The following ALG8 variants were observed in gnomAD, a reference collection of about 807,000 sequenced individuals.
The protein encoded by ALG8 is ALG8 alpha-1,3-glucosyltransferase, also known as dolichyl pyrophosphate Glc1Man9GlcNAc2 alpha-1,3-glucosyltransferase.
A neutral mutation model predicts 70.2 loss-of-function variants in ALG8; 48 were observed. That is an observed-to-expected ratio of 0.68 (90% CI 0.54 to 0.87). The LOEUF (loss-of-function observed/expected upper bound fraction) is 0.87, where lower values mean the gene tolerates loss of function less well. Ranked by LOEUF, ALG8 falls within the 40% of genes least tolerant of loss-of-function variation. The pLI is 0.00. For missense variants in ALG8, 572 were observed against 608.7 expected (o/e 0.94, Z 0.64); for synonymous variants, 234 against 229.0 (o/e 1.02, Z -0.20).
At chr11:78,107,057 A>T in intron 9 of ALG8, 111 bp from the exon 10 acceptor site, 9 of 1,300,338 alleles carry the variant, frequency 6.9e-6, no homozygotes, top group Non-Finnish European at 9.7e-6. Context: ...CCAATCTTAG[A>T]CAATTCTTCA....
chr11:78,133,712 AACAT>A, intron 1 of ALG8, among the ~76,000 whole-genome samples: 1 of 152,064 alleles, frequency 6.6e-6, no homozygotes, highest in Non-Finnish European at 1.5e-5. Flanking sequence ...CACCCTGGCT[AACAT>A]GGTGAAACCC....
chr11:78,115,539 C>G (rs956494767), intron 5 of ALG8, among the ~76,000 whole-genome samples: 1 of 151,530 alleles, frequency 6.6e-6, no homozygotes, highest in East Asian at 1.9e-4. Flanking sequence ...CCCACCACCA[C>G]GCCTGGCTAA....
chr11:78,123,315 G>GAAAAA (rs1220218900), intron 3 of ALG8, among the ~76,000 whole-genome samples: 22 of 88,546 alleles, frequency 2.5e-4, no homozygotes, highest in East Asian at 1.1e-3. Context: ...GGAAAAAAAA[G>GAAAAA]AAAAAAAAAA....
At position 78,124,310 on chromosome 11, in the gene ALG8, C is replaced by T. The variant is rs532077583; in HGVS notation, c.175-96G>A. 148 of 1,302,358 alleles carry T rather than the reference C, an allele frequency of 1.1e-4. 3 individuals are homozygous for T. In the South Asian group the frequency reaches 1.7e-3, roughly 15 times the overall value. The allele number at this position is 1,302,358 out of a possible 1,614,324, so 80.7% of individuals were successfully genotyped here. ...ATTTTTCATTCTCTGGTCTTTAAAA[C>T]AGCACAATAAGGCTGGGCGTGGTAG... On this transcript the variant is annotated intron_variant, in intron 2 of 12. Coordinates refer to ENST00000299626, the MANE Select transcript of ALG8 (RefSeq NM_024079.5).
intron 4 of ALG8, among the ~76,000 whole-genome samples, chr11:78,120,230 G>A (rs895961636): frequency 3.3e-5 from 5 of 151,956 alleles, no homozygotes; most frequent in Non-Finnish European, 7.4e-5. Context: ...ACTTTCCCAG[G>A]TTTTTCCTAC....
rs1184308624 is a variant in ALG8 at position 78,112,715 on chromosome 11, T to C, written c.833A>G (p.His278Arg). 2 of 1,613,990 alleles carry C rather than the reference T, an allele frequency of 1.2e-6. No homozygotes were observed. The highest frequency in any genetic ancestry group is 1.7e-6 in the Non-Finnish European group (2 of 1,179,990). ...CCAGAAGTTTGGAGCCCAATATGCA[T>C]GACAGAGGCCCCTCTTGAAAGGAAA... is the stretch of plus-strand genomic sequence containing the variant. Reference protein sequence around the residue: ...RLFPFKRGLCHAYWAPNFWAL... With the variant: ...RLFPFKRGLCRAYWAPNFWAL... The change falls in exon 8 of 13, where the codon CAT becomes CGT. Residue 278 changes from histidine to arginine, a missense_variant. Coordinates refer to ENST00000299626, the MANE Select transcript of ALG8 (RefSeq NM_024079.5).
chr11:78,126,532 C>CAAAA (rs61070879), intron 2 of ALG8, among the ~76,000 whole-genome samples: 5 of 126,840 alleles, frequency 3.9e-5, no homozygotes, highest in Non-Finnish European at 1.7e-5. Flanking sequence ...GACTCTGTCT[C>CAAAA]AAAAAAAAAA....
intron 1 of ALG8, among the ~76,000 whole-genome samples, chr11:78,130,311 T>G (rs906856677): frequency 8.6e-4 from 101 of 117,228 alleles, no homozygotes; most frequent in Non-Finnish European, 1.1e-3. Context: ...TTTGCACCAC[T>G]GCACTCCAGC....
intron 1 of ALG8, among the ~76,000 whole-genome samples, chr11:78,133,744 C>CA (rs1374720076): frequency 6.6e-6 from 1 of 151,450 alleles, no homozygotes; most frequent in African/African-American, 2.4e-5. Flanking sequence ...ACTAAAAATA[C>CA]AAAAAAAATT....
At chr11:78,112,488 C>T (rs1341062923) in intron 8 of ALG8, 162 bp downstream of exon 8, 3 of 978,966 alleles carry the variant, frequency 3.1e-6, no homozygotes, top group South Asian at 1.4e-5. Flanking sequence ...ACTAAAGCCT[C>T]AGTCCCAAGA....
intron 10 of ALG8, 93 bp from the exon 11 acceptor site, chr11:78,104,546 TGAG>T: frequency 8.6e-7 from 1 of 1,164,122 alleles, no homozygotes; most frequent in Non-Finnish European, 1.2e-6. Context: ...TAGAACTGGC[TGAG>T]GCATAGAAGA....
chr11:78,136,886 G>A (rs187410705), intron 1 of ALG8, among the ~76,000 whole-genome samples: 157 of 150,620 alleles, frequency 1.0e-3, no homozygotes, highest in Middle Eastern at 6.9e-3. Flanking sequence ...CTTTATTATG[G>A]AGATGGCTTC....
chr11:78,112,531 T>C (rs1860336978), intron 8 of ALG8, 119 bp downstream of exon 8: 1 of 1,477,308 alleles, frequency 6.8e-7, no homozygotes, highest in Non-Finnish European at 9.3e-7. Context: ...AAAGCTGAAA[T>C]GCAGGACTGG....
chr11:78,119,554 G>T (rs1042855432), intron 4 of ALG8, among the ~76,000 whole-genome samples: 1 of 150,720 alleles, frequency 6.6e-6, no homozygotes, highest in Non-Finnish European at 1.5e-5. Context: ...TCAGCCTCCC[G>T]AGTAGCTGGG....
At chr11:78,135,842 C>T (rs890608033) in intron 1 of ALG8, among the ~76,000 whole-genome samples, 9 of 144,684 alleles carry the variant, frequency 6.2e-5, no homozygotes, top group Admixed American at 2.8e-4. Context: ...AGTGAAACTC[C>T]GTCTCAAACA....
chr11:78,139,415 G>C (rs906238905), intron 1 of ALG8, 79 bp downstream of exon 1: 2 of 1,349,230 alleles, frequency 1.5e-6, no homozygotes, highest in Admixed American at 2.0e-5. Flanking sequence ...TCATACCCAG[G>C]GATATCCACA....
rs55640013 is a variant in ALG8 at position 78,129,419 on chromosome 11, C to CA, written c.96-1984dup. ...TGGGCGACAGAGCAAGACTCCGTCT[C>CA]AAAAAAAAAAAAAAAATGTGCAAAG... On this transcript the variant is annotated intron_variant, in intron 1 of 12. Transcript: ENST00000299626. 1.9e-3 allele frequency among the ~76,000 whole-genome samples: 267 copies of CA among 141,104 alleles called. 2 individuals carry two copies. The highest frequency in any genetic ancestry group is 6.8e-3 in the African/African-American group (257 of 37,862). 92.6% of individuals were successfully genotyped at this position (141,104 alleles called of 152,430 possible). A position where few individuals can be genotyped will look rare whatever the true frequency, so the allele number is the denominator to read the frequency against.
Position 78,114,366 on chromosome 11 carries a change from G to A in ALG8, c.573C>T (p.Leu191=). ...GCTTGAAATGTAGGAGAACAGCAAA[G>A]AGAAATGCTCCTTCCATATGCCTTT... ...FQKRHMEGAF[L]FAVLLHFKHI... The change falls in exon 6 of 13, where the codon CTC becomes CTT. Residue 191 remains leucine (L), a synonymous_variant. Transcript: ENST00000299626. 1 of 1,614,036 alleles carries A rather than the reference G, an allele frequency of 6.2e-7. No homozygotes were observed. Among genetic ancestry groups the A allele is most frequent in the Non-Finnish European group, 8.5e-7 (1 of 1,179,968 alleles).
chr11:78,126,715 C>A (rs548907), intron 2 of ALG8, among the ~76,000 whole-genome samples: 2 of 151,932 alleles, frequency 1.3e-5, no homozygotes, highest in Non-Finnish European at 2.9e-5. Flanking sequence ...TCCAAATCCT[C>A]ATGTGCCAGA....
Sources: allele counts gnomAD v4.1 joint callset (sites outside exome capture counted in the v4.1 genomes callset), GRCh38; gene constraint gnomAD v4.1.1; transcripts MANE v1.5; gene names NCBI Gene and HGNC (gene_info 2026-07-23, HGNC 2026-07-21).